GPC6: variants seen among roughly 807,000 people sequenced by gnomAD.
GPC6 encodes the protein glypican-6.
GPC6 carries 14 observed loss-of-function variants against 55.2 expected under a neutral mutation model. That is an observed-to-expected ratio of 0.25 (90% CI 0.17 to 0.40). The LOEUF is 0.40. Among genes scored for constraint, GPC6 ranks in the 10% least tolerant of loss-of-function variants. GPC6 has a pLI of 1.00. For synonymous variants in GPC6, 278 were observed against 259.6 expected, an observed-to-expected ratio of 1.07 and a Z score of -0.68; for missense variants, 641 against 708.5, an observed-to-expected ratio of 0.90 and a Z score of 1.08.
chr13:94,293,461 A>G (rs1012158469), intron 5 of GPC6, among the ~76,000 whole-genome samples: 2 of 152,190 alleles, frequency 1.3e-5, no homozygotes, highest in Non-Finnish European at 2.9e-5. Flanking sequence ...TTCTCCTGCC[A>G]TGATTTTAAG....
chr13:94,216,045 A>G (rs1158843638), intron 4 of GPC6, among the ~76,000 whole-genome samples: 2 of 152,226 alleles, frequency 1.3e-5, no homozygotes, highest in Non-Finnish European at 2.9e-5. Context: ...ATGAATCTGT[A>G]GGAAGAGTGA....
chr13:93,825,173 C>T (rs1288252660), intron 2 of GPC6, among the ~76,000 whole-genome samples: 1 of 152,106 alleles, frequency 6.6e-6, no homozygotes, highest in East Asian at 1.9e-4. Flanking sequence ...GTGGTCTTGT[C>T]CCCAAGAGGA....
chr13:94,135,075 G>A (rs537254806), intron 4 of GPC6, among the ~76,000 whole-genome samples: 3 of 152,216 alleles, frequency 2.0e-5, no homozygotes, highest in African/African-American at 4.8e-5. Context: ...TAAGGACTAC[G>A]AAGCCACAGA....
chr13:94,209,579 T>C (rs1032209254), intron 4 of GPC6, among the ~76,000 whole-genome samples: 1 of 152,172 alleles, frequency 6.6e-6, no homozygotes, highest in Non-Finnish European at 1.5e-5. Flanking sequence ...TCATCTCATT[T>C]GAAAACGGCA....
At chr13:94,300,544 T>G (rs1229218390) in intron 5 of GPC6, among the ~76,000 whole-genome samples, 1 of 152,204 alleles carries the variant, frequency 6.6e-6, no homozygotes, top group East Asian at 1.9e-4. Context: ...TTCTGAGACA[T>G]TATCTTAGTA....
rs570317681 is a variant in GPC6 at position 94,258,542 on chromosome 13, G to T, written c.878-27807G>T. Among the ~76,000 whole-genome samples, 452 of 152,142 alleles carry T rather than the reference G, an allele frequency of 3.0e-3. 4 individuals carry two copies. The highest frequency in any genetic ancestry group is 4.6e-3 in the Non-Finnish European group (313 of 68,016). ...CTTTTTCTATCCAGTATCTTCTGTT[G>T]CTCCCACAAAGGTTTTCAGCATACT... On this transcript the variant is annotated intron_variant, in intron 4 of 8. Coordinates refer to ENST00000377047, the MANE Select transcript of GPC6 (RefSeq NM_005708.5).
chr13:93,461,461 TA>T (rs1246793182), intron 1 of GPC6, among the ~76,000 whole-genome samples: 11 of 152,176 alleles, frequency 7.2e-5, no homozygotes, highest in African/African-American at 2.7e-4. Context: ...ATAATTTAGT[TA>T]AATAACTTTA....
intron 4 of GPC6, among the ~76,000 whole-genome samples, chr13:94,193,062 CGTGTGTGTGTGTGTGT>C (rs66612458): frequency 0.088 from 13,080 of 148,682 alleles, 608 homozygotes; most frequent in Non-Finnish European, 0.1. Context: ...TGAGACTCCT[CGTGTGTGTGTGTGTGT>C]GTGTGTGTGT....
At chr13:94,271,382 GCA>G (rs60762188) in intron 4 of GPC6, among the ~76,000 whole-genome samples, 19,706 of 126,440 alleles carry the variant, frequency 0.16, 1,404 homozygotes, top group African/African-American at 0.19. Context: ...GCGCGCGCGC[GCA>G]CACACACACA....
chr13:93,872,944 A>T, intron 3 of GPC6, among the ~76,000 whole-genome samples: 1 of 151,974 alleles, frequency 6.6e-6, no homozygotes, highest in East Asian at 1.9e-4. Context: ...TGTGCTAAAA[A>T]TTCTCCACTG....
chr13:94,365,895 G>T lies in GPC6; in HGVS notation c.1153-16519G>T, dbSNP rs143829478. On this transcript the variant is annotated intron_variant, in intron 6 of 8. Coordinates refer to ENST00000377047, the MANE Select transcript of GPC6 (RefSeq NM_005708.5). ...ACATCTATTTCTCAGCTTCGGTGTG[G>T]AAGAATAAAGCCACCAAACTGTTGG... is the stretch of plus-strand genomic sequence containing the variant. Among the ~76,000 whole-genome samples, 227 of 152,298 alleles carry T rather than the reference G, an allele frequency of 1.5e-3. 1 individual carries two copies. Among genetic ancestry groups the T allele is most frequent in the African/African-American group, 5.2e-3 (217 of 41,570 alleles).
intron 2 of GPC6, among the ~76,000 whole-genome samples, chr13:93,774,323 C>T (rs1447872342): frequency 6.6e-6 from 1 of 152,122 alleles, no homozygotes; most frequent in Non-Finnish European, 1.5e-5. Context: ...TGCCTACAAT[C>T]CTGGATTAAT....
chr13:93,323,111 A>G (rs1295608194), intron 1 of GPC6, among the ~76,000 whole-genome samples: 1 of 152,092 alleles, frequency 6.6e-6, no homozygotes, highest in Non-Finnish European at 1.5e-5. Context: ...TATATTTTCT[A>G]TCTGTTTTGG....
intron 3 of GPC6, among the ~76,000 whole-genome samples, chr13:94,020,408 G>T (rs1040989304): frequency 1.3e-5 from 2 of 152,110 alleles, no homozygotes; most frequent in African/African-American, 4.8e-5. Flanking sequence ...TTTTTCGACT[G>T]AAATTTATCA....
At chr13:93,692,589 G>A (rs933982298) in intron 2 of GPC6, among the ~76,000 whole-genome samples, 10 of 152,054 alleles carry the variant, frequency 6.6e-5, no homozygotes, top group African/African-American at 2.2e-4. Context: ...TAACATTATG[G>A]ATCATTAGAA....
chr13:93,667,735 G>GTTTTTTTT lies in GPC6; in HGVS notation c.319+122320_319+122327dup, dbSNP rs71126408. Among the ~76,000 whole-genome samples the GTTTTTTTT allele has an allele frequency of 7.3e-5, 9 of 123,152 alleles. 1 individual carries two copies. The highest frequency in any genetic ancestry group is 2.6e-4 in the African/African-American group (7 of 27,012). The allele number at this position is 123,152 out of a possible 152,430, so 80.8% of individuals were successfully genotyped here. Reference sequence around the variant, plus strand: ...AAACCACCACACCCAGCCAGGACTTGTTTTTTTTTTTTTCTGTCAAATTTG... The same window carrying GTTTTTTTT: ...AAACCACCACACCCAGCCAGGACTTGTTTTTTTTTTTTTTTTTTTTTCTGTCAAATTTG... On this transcript the variant is annotated intron_variant, in intron 2 of 8. Coordinates refer to ENST00000377047, the MANE Select transcript of GPC6 (RefSeq NM_005708.5).
chr13:94,289,574 T>C (rs1379839580), intron 5 of GPC6, among the ~76,000 whole-genome samples: 1 of 152,230 alleles, frequency 6.6e-6, no homozygotes, highest in African/African-American at 2.4e-5. Context: ...CTCACCGCCA[T>C]ACAAATCCAT....
intron 3 of GPC6, among the ~76,000 whole-genome samples, chr13:94,009,892 C>A (rs950730793): frequency 6.6e-6 from 1 of 152,128 alleles, no homozygotes; most frequent in African/African-American, 2.4e-5. Flanking sequence ...CTCAACTATT[C>A]ATGACAAAAA....
At chr13:94,238,169 G>A (rs561432519) in intron 4 of GPC6, among the ~76,000 whole-genome samples, 3 of 152,208 alleles carry the variant, frequency 2.0e-5, no homozygotes, top group Admixed American at 1.3e-4. Flanking sequence ...AATTGGAGAC[G>A]GCTTTTAGAT....
Sources: allele counts gnomAD v4.1 joint callset (sites outside exome capture counted in the v4.1 genomes callset), GRCh38; gene constraint gnomAD v4.1.1; transcripts MANE v1.5; gene names NCBI Gene and HGNC (gene_info 2026-07-23, HGNC 2026-07-21).